Variants in NDC1 observed in about 807,000 individuals in gnomAD.
NDC1 encodes the protein nucleoporin NDC1.
In NDC1, 24 loss-of-function variants were observed where a neutral mutation model predicts 89.8. The ratio of observed to expected loss-of-function variants is 0.27; its 90% confidence interval spans 0.19 to 0.38. The LOEUF is 0.38. NDC1 is among the 10% of genes least tolerant of loss of function. NDC1 has a pLI of 1.00. For missense variants in NDC1, 728 were observed against 797.6 expected (o/e 0.91, Z 1.05); for synonymous variants, 296 against 284.8 (o/e 1.04, Z -0.39).
In NDC1 at chr1:53,766,311, A is replaced by C. The variant is rs1388443473; in HGVS notation, c.*1659T>G. The C allele has an allele frequency of 6.6e-6, 1 of 152,190 alleles. No individual in the cohort carries two copies. Among genetic ancestry groups the C allele is most frequent in the African/African-American group, 2.4e-5 (1 of 41,440 alleles). 9.4% of individuals were successfully genotyped at this position (152,190 alleles called of 1,614,324 possible). On this transcript the variant is annotated 3_prime_UTR_variant, in exon 18 of 18. Coordinates refer to ENST00000371429, the MANE Select transcript of NDC1 (RefSeq NM_018087.5). ...GAAGATTCAGAGTCCTTGTCTCCCA[A>C]AATGCCTCAGCCAGGGTCAGCACAG...
chr1:53,769,887 C>A (rs1241009996), intron 17 of NDC1, among the ~76,000 whole-genome samples: 1 of 152,156 alleles, frequency 6.6e-6, no homozygotes, highest in Non-Finnish European at 1.5e-5. Flanking sequence ...AGAGATAGAA[C>A]CCTAGGGTTA....
chr1:53,800,954 G>C (rs1647893033), intron 10 of NDC1, 106 bp from the exon 11 acceptor site: 1 of 1,054,406 alleles, frequency 9.5e-7, no homozygotes, highest in Non-Finnish European at 1.4e-6. Context: ...TTGGCATCAG[G>C]ACCCACTTTT....
chr1:53,793,373 T>C, intron 13 of NDC1, 94 bp from the exon 14 acceptor site: 2 of 977,580 alleles, frequency 2.0e-6, no homozygotes, highest in Non-Finnish European at 3.2e-6. Flanking sequence ...GTAACTTAAA[T>C]GAAAAAATGA....
chr1:53,831,904 T>C (rs529052986), intron 3 of NDC1, among the ~76,000 whole-genome samples: 5 of 152,138 alleles, frequency 3.3e-5, no homozygotes, highest in African/African-American at 1.2e-4. Context: ...CACAGTATTA[T>C]AGATTATTAT....
chr1:53,813,176 G>A (rs919663223), intron 6 of NDC1, among the ~76,000 whole-genome samples: 2 of 151,994 alleles, frequency 1.3e-5, no homozygotes, highest in Non-Finnish European at 2.9e-5. Flanking sequence ...AATCAAACAG[G>A]ACCTATAAAA....
chr1:53,789,643 C>A (rs1647418263), intron 14 of NDC1, among the ~76,000 whole-genome samples: 1 of 150,656 alleles, frequency 6.6e-6, no homozygotes, highest in Non-Finnish European at 1.5e-5. Context: ...ACTAAAAATA[C>A]AAAAAATTAG....
chr1:53,811,835 G>GA (rs1339463465), intron 6 of NDC1, among the ~76,000 whole-genome samples: 2 of 152,068 alleles, frequency 1.3e-5, no homozygotes, highest in Non-Finnish European at 2.9e-5. Flanking sequence ...CCAAAGCTAA[G>GA]AACCCTCATG....
At chr1:53,788,630 C>T (rs1570173441) in intron 15 of NDC1, among the ~76,000 whole-genome samples, 2 of 151,904 alleles carry the variant, frequency 1.3e-5, no homozygotes, top group South Asian at 2.1e-4. Flanking sequence ...TTTCACCATG[C>T]TGGCCAGGCT....
In NDC1 at chr1:53,825,460, A is replaced by AAAAAAAAAAAAAAAAAG. The variant is rs1039370528; in HGVS notation, c.594+337_594+338insCTTTTTTTTTTTTTTTT. On this transcript the variant is annotated intron_variant, in intron 5 of 17. Coordinates refer to ENST00000371429, the MANE Select transcript of NDC1 (RefSeq NM_018087.5). ...AAGAAGCGAGACTGTCTCCAAAAAAAAAGAAGCTACACAGAGTACTTTGCA... is the reference window on the plus strand; with the variant it reads ...AAGAAGCGAGACTGTCTCCAAAAAAAAAAAAAAAAAAAAAAAGAAGAAGCTACACAGAGTACTTTGCA... 3.7e-4 allele frequency among the ~76,000 whole-genome samples: 53 copies of AAAAAAAAAAAAAAAAAG among 142,164 alleles called. 1 individual carries two copies. The highest frequency in any genetic ancestry group is 4.0e-4 in the East Asian group (2 of 4,940). The allele number at this position is 142,164 out of a possible 152,430, so 93.3% of individuals were successfully genotyped here.
At chr1:53,819,206 A>T (rs898351020) in intron 5 of NDC1, 127 bp from the exon 6 acceptor site, 20 of 606,792 alleles carry the variant, frequency 3.3e-5, no homozygotes, top group Non-Finnish European at 2.9e-5. Context: ...AAGAAGACAA[A>T]GAGTATTGCA....
rs1570193584 is a variant in NDC1, at chr1:53,800,789, T to C, written c.1126A>G (p.Met376Val). 2.5e-6 allele frequency: 4 copies of C among 1,613,614 alleles called. No individual in the cohort carries two copies. Among genetic ancestry groups the C allele is most frequent in the Non-Finnish European group, 3.4e-6 (4 of 1,179,730 alleles). ...SRECLNLLNG[M>V]TQKLILYQEA... ...TGATAGAGAATCAGTTTCTGAGTCATACCATTTAAAAGATTCAAACACTCC... is the reference window on the plus strand; with the variant it reads ...TGATAGAGAATCAGTTTCTGAGTCACACCATTTAAAAGATTCAAACACTCC... Residue 376 changes from methionine (M) to valine (V), a missense_variant, in exon 11 of 18, where the codon ATG (methionine) becomes GTG (valine). Met to Val is a conservative substitution (Grantham distance 21). Transcript: ENST00000371429.
chr1:53,806,028 C>G (rs564756563), intron 9 of NDC1, among the ~76,000 whole-genome samples: 3 of 151,960 alleles, frequency 2.0e-5, no homozygotes, highest in African/African-American at 7.3e-5. Context: ...GAGCCGAGAT[C>G]GCGCCACTGC....
chr1:53,804,485 T>C (rs1017014905), intron 9 of NDC1, among the ~76,000 whole-genome samples: 3 of 152,160 alleles, frequency 2.0e-5, no homozygotes, highest in African/African-American at 7.2e-5. Flanking sequence ...ATTTTTTTTT[T>C]CCTTTTTTTG....
Position 53,803,960 on chromosome 1 carries a change from C to A in NDC1, c.1034G>T (p.Arg345Leu). 6.2e-7 allele frequency: 1 copy of A among 1,613,934 alleles called. No individual in the cohort carries two copies. The highest frequency in any genetic ancestry group is 8.5e-7 in the Non-Finnish European group (1 of 1,179,906). Residue 345 changes from arginine (R) to leucine (L), a missense_variant, in exon 10 of 18, where the codon CGA becomes CTA. Arg to Leu is a moderately radical substitution (Grantham distance 102). Transcript: ENST00000371429. ...GCTGAGGCTGAAAACTTCTTGTCTT[C>A]GTGAAGGAGAATATTGAGAAAGCAA... ...LMLLSQYSPS[R>L]RQEVFSLSQP...
At chr1:53,819,388 AT>A (rs1417388123) in intron 5 of NDC1, among the ~76,000 whole-genome samples, 2 of 152,278 alleles carry the variant, frequency 1.3e-5, no homozygotes, top group African/African-American at 4.8e-5. Flanking sequence ...AGCAGCTAAC[AT>A]TTTTTTGTTG....
chr1:53,780,217 C>A (rs534384175), intron 16 of NDC1, among the ~76,000 whole-genome samples: 5 of 152,068 alleles, frequency 3.3e-5, no homozygotes, highest in Non-Finnish European at 7.4e-5. Flanking sequence ...GGATTACAAG[C>A]GTCCGCCACC....
intron 14 of NDC1, among the ~76,000 whole-genome samples, chr1:53,790,467 G>C (rs2100642764): frequency 6.6e-6 from 1 of 152,148 alleles, no homozygotes; most frequent in East Asian, 1.9e-4. Context: ...AGCACTTTGG[G>C]AGGCTGAGGA....
At chr1:53,797,214 T>C (rs754102051) in intron 11 of NDC1, 70 bp from the exon 12 acceptor site, 788 of 1,492,398 alleles carry the variant, frequency 5.3e-4, no homozygotes, top group Non-Finnish European at 6.4e-4. Context: ...CGCTTTCAAA[T>C]TCTACACATA....
intron 11 of NDC1, among the ~76,000 whole-genome samples, chr1:53,799,129 T>C (rs1404774864): frequency 1.3e-5 from 2 of 152,238 alleles, no homozygotes; most frequent in Admixed American, 6.5e-5. Context: ...CATATCTCTA[T>C]AGAATAAAAT....
Sources: allele counts gnomAD v4.1 joint callset (sites outside exome capture counted in the v4.1 genomes callset), GRCh38; gene constraint gnomAD v4.1.1; transcripts MANE v1.5; gene names NCBI Gene and HGNC (gene_info 2026-07-23, HGNC 2026-07-21).